The following PLXNA4 variants were observed in gnomAD, a reference collection of about 807,000 sequenced individuals.
PLXNA4 encodes plexin-A4.
PLXNA4 carries 44 observed loss-of-function variants against 191.8 expected under a neutral mutation model. The observed-to-expected ratio is 0.23, with a 90% confidence interval of 0.18 to 0.29. The LOEUF (loss-of-function observed/expected upper bound fraction) is 0.29, where lower values mean the gene tolerates loss of function less well. Among genes scored for constraint, PLXNA4 ranks in the 10% least tolerant of loss-of-function variants. The pLI is 1.00. For missense variants in PLXNA4, 1,800 were observed against 2,488.8 expected (o/e 0.72, Z 5.89); for synonymous variants, 1,082 against 1,009.5 (o/e 1.07, Z -1.36).
At chr7:132,319,004 C>A (rs1401287069) in intron 3 of PLXNA4, among the ~76,000 whole-genome samples, 1 of 152,108 alleles carries the variant, frequency 6.6e-6, no homozygotes, top group African/African-American at 2.4e-5. Flanking sequence ...CTGGTCCAAC[C>A]GTGGAAGGGA....
intron 3 of PLXNA4, among the ~76,000 whole-genome samples, chr7:132,459,294 T>C (rs1264371736): frequency 1.3e-5 from 2 of 152,200 alleles, no homozygotes; most frequent in African/African-American, 4.8e-5. Context: ...GGAACAGTAA[T>C]AGTTATCACT....
At position 132,489,393 on chromosome 7, in the gene PLXNA4, C is replaced by A. The variant is rs142997259; in HGVS notation, c.1270G>T (p.Val424Phe). ...ATGCGGTCCCTGTCCTCCGTGAAGA[C>A]GGGAATTCCACGCACCATGTCGGAC... is the stretch of plus-strand genomic sequence containing the variant. ...GVSDMVRGIP[V>F]FTEDRDRMTS... Residue 424 changes from valine (V) to phenylalanine (F), a missense_variant, in exon 3 of 32, where the codon GTC becomes TTC. By Grantham distance (50) the Val-to-Phe change is conservative. Transcript: ENST00000321063. 6.2e-7 allele frequency: 1 copy of A among 1,606,166 alleles called. No individual in the cohort carries two copies. Among genetic ancestry groups the A allele is most frequent in the Non-Finnish European group, 8.5e-7 (1 of 1,173,408 alleles).
At chr7:132,176,517 A>G (rs968575718) in intron 20 of PLXNA4, among the ~76,000 whole-genome samples, 2 of 152,112 alleles carry the variant, frequency 1.3e-5, no homozygotes, top group Non-Finnish European at 2.9e-5. Flanking sequence ...TGTGTATGTC[A>G]GGGAGTGTAT....
intron 2 of PLXNA4, among the ~76,000 whole-genome samples, chr7:132,599,745 C>T (rs564614664): frequency 4.6e-5 from 7 of 151,782 alleles, no homozygotes; most frequent in Admixed American, 2.6e-4. Context: ...GCACTGATAA[C>T]GGCCGTCTTA....
At chr7:132,419,562 T>A (rs1436483220) in intron 3 of PLXNA4, among the ~76,000 whole-genome samples, 4 of 152,242 alleles carry the variant, frequency 2.6e-5, no homozygotes, top group African/African-American at 9.6e-5. Context: ...AAACACAGCC[T>A]TACAACAAGT....
At chr7:132,228,646 A>G (rs886265600) in intron 5 of PLXNA4, among the ~76,000 whole-genome samples, 177 bp from the exon 6 acceptor site, 4 of 152,176 alleles carry the variant, frequency 2.6e-5, no homozygotes, top group Admixed American at 6.5e-5. Flanking sequence ...TCCCAAATTT[A>G]GAAAAGATGG....
Position 132,133,205 on chromosome 7 carries a change from G to C in PLXNA4, c.5439-6C>G, listed in dbSNP as rs776456130. Reference sequence around the variant, plus strand: ...TCCCTATGTCTGAGTAATACCTGTGGAGGGATGGAAATAGGGAGAAGCTGA... The same window carrying C: ...TCCCTATGTCTGAGTAATACCTGTGCAGGGATGGAAATAGGGAGAAGCTGA... On this transcript the variant is annotated splice_region_variant and splice_polypyrimidine_tract_variant and intron_variant, in intron 30 of 31. Coordinates refer to ENST00000321063, the MANE Select transcript of PLXNA4 (RefSeq NM_020911.2). 6.2e-7 allele frequency: 1 copy of C among 1,613,896 alleles called. No homozygotes were observed.
chr7:132,603,450 C>T (rs926087560), intron 2 of PLXNA4, among the ~76,000 whole-genome samples: 1 of 152,186 alleles, frequency 6.6e-6, no homozygotes, highest in Non-Finnish European at 1.5e-5. Flanking sequence ...TGTGTCTGGT[C>T]TCTAAGCAAA....
chr7:132,391,650 G>C (rs1793495880), intron 3 of PLXNA4, among the ~76,000 whole-genome samples: 1 of 152,174 alleles, frequency 6.6e-6, no homozygotes, highest in African/African-American at 2.4e-5. Flanking sequence ...CAGTGGGTTA[G>C]GGGGGCAGTG....
At chr7:132,145,091 A>G in intron 29 of PLXNA4, 28 bp downstream of exon 29, 6 of 1,613,488 alleles carry the variant, frequency 3.7e-6, no homozygotes, top group African/African-American at 1.3e-5. Flanking sequence ...AGGGCTCCCG[A>G]TGTGCCCCCT....
chr7:132,442,068 C>G (rs1470166027), intron 3 of PLXNA4, among the ~76,000 whole-genome samples: 1 of 152,200 alleles, frequency 6.6e-6, no homozygotes, highest in Non-Finnish European at 1.5e-5. Context: ...TGGAGAACCA[C>G]GTGCTCACCC....
At chr7:132,613,784 G>A (rs1447537828) in intron 2 of PLXNA4, among the ~76,000 whole-genome samples, 1 of 152,158 alleles carries the variant, frequency 6.6e-6, no homozygotes, top group East Asian at 1.9e-4. Context: ...GTATAACACA[G>A]AAGATAAAAT....
At chr7:132,205,752 G>A (rs1797595922) in intron 10 of PLXNA4, among the ~76,000 whole-genome samples, 1 of 152,178 alleles carries the variant, frequency 6.6e-6, no homozygotes, top group Non-Finnish European at 1.5e-5. Context: ...TGACCTGTAG[G>A]AGGGATGCTG....
intron 5 of PLXNA4, among the ~76,000 whole-genome samples, chr7:132,237,171 T>G (rs1798729265): frequency 6.6e-6 from 1 of 152,224 alleles, no homozygotes; most frequent in African/African-American, 2.4e-5. Flanking sequence ...TGTACCTTTA[T>G]TAAAAATATC....
intron 3 of PLXNA4, among the ~76,000 whole-genome samples, chr7:132,445,200 C>T (rs1795859079): frequency 7.0e-6 from 1 of 142,350 alleles, no homozygotes; most frequent in Non-Finnish European, 1.5e-5. Context: ...TTCTCATGAA[C>T]TTCCTGGCTT....
chr7:132,137,288 C>A (rs139515678), intron 30 of PLXNA4, among the ~76,000 whole-genome samples: 1 of 152,180 alleles, frequency 6.6e-6, no homozygotes, highest in Non-Finnish European at 1.5e-5. Context: ...CTAGTCCAAA[C>A]CCCTGTGGCC....
In PLXNA4 at chr7:132,508,855, C is replaced by T. The variant is rs1034459600; in HGVS notation, c.-86-76G>A. The T allele has an allele frequency of 6.5e-5, 88 of 1,354,670 alleles. No homozygotes were observed. The highest frequency in any genetic ancestry group is 8.2e-5 in the Non-Finnish European group (84 of 1,028,410). The allele number at this position is 1,354,670 out of a possible 1,614,324, so 83.9% of individuals were successfully genotyped here. On this transcript the variant is annotated intron_variant, in intron 1 of 31. Transcript: ENST00000321063. The surrounding 1 kb of genome is among the most constrained non-coding windows in gnomAD (Gnocchi z 4.4). ...TCACCCCACAGCTTGTCTGCCTGGACTTTCAAAATGTTCTGCACACACTGA... is the reference window on the plus strand; with the variant it reads ...TCACCCCACAGCTTGTCTGCCTGGATTTTCAAAATGTTCTGCACACACTGA...
At chr7:132,420,741 T>C (rs2288969) in intron 3 of PLXNA4, among the ~76,000 whole-genome samples, 38,002 of 152,120 alleles carry the variant, frequency 0.25, 8,959 homozygotes, top group African/African-American at 0.61. Flanking sequence ...GGACCCAGTG[T>C]GAGGTAATTG....
intron 3 of PLXNA4, among the ~76,000 whole-genome samples, chr7:132,455,297 C>T (rs1796272146): frequency 6.6e-6 from 1 of 152,100 alleles, no homozygotes. Flanking sequence ...AGAACAGGTT[C>T]AACTTCAGGG....
Sources: gnomAD v4.1 joint callset for allele counts (sites outside exome capture counted in the v4.1 genomes callset) on GRCh38, gnomAD v4.1.1 for gene constraint, Gnocchi (gnomAD v3.1) non-coding constraint, MANE v1.5 for transcripts, NCBI Gene and HGNC (gene_info 2026-07-23, HGNC 2026-07-21) for gene names.